BCL2L14: variants seen among roughly 807,000 people sequenced by gnomAD.
BCL2L14 encodes the protein BCL2 like 14, also known as apoptosis facilitator Bcl-2-like protein 14.
BCL2L14 carries 27 observed loss-of-function variants against 35.3 expected under a neutral mutation model. The observed-to-expected ratio is 0.76, with a 90% CI of 0.56 to 1.05. The LOEUF is 1.05. BCL2L14 is among the 50% of genes least tolerant of loss of function. The pLI, the probability that BCL2L14 is intolerant of heterozygous loss-of-function variation, is 0.00. For synonymous variants in BCL2L14, 139 were observed against 145.9 expected, an observed-to-expected ratio of 0.95 and a Z score of 0.34; for missense variants, 377 against 382.6, an observed-to-expected ratio of 0.99 and a Z score of 0.12.
chr12:12,082,703 C>G (rs1454463613), intron 2 of BCL2L14, among the ~76,000 whole-genome samples: 2 of 152,148 alleles, frequency 1.3e-5, no homozygotes, highest in Non-Finnish European at 2.9e-5. Context: ...TGAATAGTAC[C>G]TATGGCTGAA....
intron 2 of BCL2L14, among the ~76,000 whole-genome samples, chr12:12,056,213 C>T (rs371174825): frequency 2.6e-3 from 61 of 23,692 alleles, no homozygotes; most frequent in African/African-American, 4.6e-3. Flanking sequence ...TGCAGTGGTC[C>T]GTCCCTACAC....
At chr12:12,059,282 C>T (rs1013344156) in intron 2 of BCL2L14, among the ~76,000 whole-genome samples, 5 of 151,486 alleles carry the variant, frequency 3.3e-5, no homozygotes, top group East Asian at 1.9e-4. Context: ...CCCTTCTCTC[C>T]GTGTCTCTAC....
In BCL2L14 at chr12:12,079,738, G is replaced by C. The variant is rs747285875; in HGVS notation, c.433G>C (p.Ala145Pro). The C allele has an allele frequency of 2.5e-6, 4 of 1,608,800 alleles. No individual in the cohort carries two copies. The highest frequency in any genetic ancestry group is 3.4e-6 in the Non-Finnish European group (4 of 1,177,052). ...SNVEQCLEHE[A>P]VDPKVISIAN... ...CGTGGAGCAGTGCTTGGAGCATGAA[G>C]GTAGGCATCTGGGATTTCTTTCTCT... The change falls in exon 2 of 6, where the codon GCT becomes CCT. Residue 145 changes from alanine (A) to proline (P), a missense_variant and splice_region_variant. By Grantham distance (27) the Ala-to-Pro change is conservative. Coordinates refer to ENST00000308721, the MANE Select transcript of BCL2L14 (RefSeq NM_138723.2).
chr12:12,090,885 G>A (rs765733861), intron 4 of BCL2L14, 36 bp downstream of exon 4: 1 of 1,529,940 alleles, frequency 6.5e-7, no homozygotes, highest in Admixed American at 1.7e-5. Flanking sequence ...ATTGATTTCT[G>A]TGCCCATGCA....
intron 5 of BCL2L14, among the ~76,000 whole-genome samples, chr12:12,097,863 G>T (rs1017960753): frequency 2.0e-5 from 3 of 151,882 alleles, no homozygotes; most frequent in African/African-American, 7.2e-5. Flanking sequence ...ATTTCCAAAG[G>T]CTTTAGAAAT....
chr12:12,095,811 GA>G, intron 5 of BCL2L14: 1 of 985,342 alleles, frequency 1.0e-6, no homozygotes, highest in Non-Finnish European at 1.2e-6. Flanking sequence ...CCAAGGGTCT[GA>G]AGTGCCCGCC....
chr12:12,051,542 G>A (rs922124140), intron 1 of BCL2L14, among the ~76,000 whole-genome samples: 1 of 150,278 alleles, frequency 6.7e-6, no homozygotes, highest in Non-Finnish European at 1.5e-5. Context: ...CACACAGCCA[G>A]ATCAAATTTA....
intron 5 of BCL2L14, chr12:12,096,118 C>G: frequency 2.0e-6 from 2 of 985,340 alleles, no homozygotes; most frequent in Non-Finnish European, 2.4e-6. Flanking sequence ...TGCACAGTCT[C>G]TAATCTCCAG....
In BCL2L14 at chr12:12,094,894, G is replaced by A; in HGVS notation, c.909G>A (p.Glu303=). Residue 303 remains glutamate (E), a synonymous_variant, in exon 5 of 6, where the codon GAG becomes GAA. Coordinates refer to ENST00000308721, the MANE Select transcript of BCL2L14 (RefSeq NM_138723.2). ...VLGFGTKYLK[E]NFSPWIQQHG... ...GCTTTGGCACCAAGTACCTGAAAGA[G>A]AACTTCTCGCCATGGATCCAGCAGC... The A allele has an allele frequency of 6.2e-7, 1 of 1,614,044 alleles. No individual in the cohort carries two copies. Among genetic ancestry groups the A allele is most frequent in the African/African-American group, 1.3e-5 (1 of 75,036 alleles).
chr12:12,058,623 C>A (rs1231716005), intron 2 of BCL2L14, among the ~76,000 whole-genome samples: 2 of 152,078 alleles, frequency 1.3e-5, no homozygotes, highest in African/African-American at 4.8e-5. Flanking sequence ...AGAGAACCCC[C>A]CTTTTTCCTT....
intron 4 of BCL2L14, chr12:12,094,417 A>T: frequency 8.8e-7 from 1 of 1,141,074 alleles, no homozygotes; most frequent in Non-Finnish European, 1.3e-6. Flanking sequence ...AATATTTGTT[A>T]AATGTCAAAT....
At chr12:12,075,039 T>A (rs1306402487) in intron 1 of BCL2L14, among the ~76,000 whole-genome samples, 1 of 152,214 alleles carries the variant, frequency 6.6e-6, no homozygotes, top group African/African-American at 2.4e-5. Context: ...ATACAGTATG[T>A]TTGAATTACG....
chr12:12,057,755 TAA>T (rs370379966), intron 2 of BCL2L14, among the ~76,000 whole-genome samples: 34 of 120,264 alleles, frequency 2.8e-4, no homozygotes, highest in African/African-American at 2.3e-4. Context: ...AAAACTCCAT[TAA>T]AAAAAAAAAA....
At chr12:12,075,008 C>G (rs58268022) in intron 1 of BCL2L14, among the ~76,000 whole-genome samples, 1 of 152,120 alleles carries the variant, frequency 6.6e-6, no homozygotes, top group South Asian at 2.1e-4. Context: ...TCTCTATCAT[C>G]TCAAAGATAT....
At chr12:12,066,586 C>T (rs1212924190), upstream of BCL2L14, among the ~76,000 whole-genome samples, 1 of 152,038 alleles carries the variant, frequency 6.6e-6, no homozygotes, top group African/African-American at 2.4e-5. Context: ...TATTCATACC[C>T]AATAATTCCA....
At position 12,079,348 on chromosome 12, in the gene BCL2L14, G is replaced by A; in HGVS notation, c.43G>A (p.Asp15Asn). Residue 15 changes from aspartate (D) to asparagine (N), a missense_variant, in exon 2 of 6, where the codon GAT becomes AAT. By Grantham distance (23) the Asp-to-Asn change is conservative. Transcript: ENST00000308721. ...SGCDLEEIPL[D>N]DDDLNTIEFK... The stretch of plus-strand genomic sequence containing the variant: ...GTGTGACCTGGAAGAAATCCCCCTA[G>A]ATGATGATGACCTAAACACCATAGA... 1.2e-6 allele frequency: 2 copies of A among 1,614,188 alleles called. No homozygotes were observed. Among genetic ancestry groups the A allele is most frequent in the Non-Finnish European group, 1.7e-6 (2 of 1,180,024 alleles).
At chr12:12,087,735 G>GTA (rs1265179538) in intron 3 of BCL2L14, among the ~76,000 whole-genome samples, 5 of 152,232 alleles carry the variant, frequency 3.3e-5, no homozygotes, top group Non-Finnish European at 7.3e-5. Context: ...TTTGCATCAG[G>GTA]TACAGTTGGA....
At position 12,094,859 on chromosome 12, in the gene BCL2L14, A is replaced by C. The variant is rs61739220; in HGVS notation, c.874A>C (p.Arg292=). The C allele has an allele frequency of 6.2e-7, 1 of 1,614,148 alleles. No individual in the cohort carries two copies. The highest frequency in any genetic ancestry group is 1.1e-5 in the South Asian group (1 of 91,086). Reference sequence around the variant, plus strand: ...AGCTATTGACAACCACCCGATGAACAGGGTCCTGGGCTTTGGCACCAAGTA... The same window carrying C: ...AGCTATTGACAACCACCCGATGAACCGGGTCCTGGGCTTTGGCACCAAGTA... ...LTAIDNHPMN[R]VLGFGTKYLK... Residue 292 remains arginine (R), a synonymous_variant, in exon 5 of 6, where the codon AGG becomes CGG. Coordinates refer to ENST00000308721, the MANE Select transcript of BCL2L14 (RefSeq NM_138723.2).
intron 2 of BCL2L14, among the ~76,000 whole-genome samples, chr12:12,053,376 A>G (rs1948385980): frequency 6.6e-6 from 1 of 151,684 alleles, no homozygotes; most frequent in South Asian, 2.1e-4. Context: ...AGGGGACACA[A>G]TCTATACCAG....
Sources: gnomAD v4.1 joint callset for allele counts (sites outside exome capture counted in the v4.1 genomes callset) on GRCh38, gnomAD v4.1.1 for gene constraint, MANE v1.5 for transcripts, NCBI Gene and HGNC (gene_info 2026-07-23, HGNC 2026-07-21) for gene names.